ROBO2: variants seen among roughly 807,000 people sequenced by gnomAD.
The protein encoded by ROBO2 is roundabout homolog 2.
A neutral mutation model predicts 160.8 loss-of-function variants in ROBO2; 53 were observed. The observed-to-expected ratio is 0.33, with a 90% confidence interval of 0.26 to 0.41. The LOEUF (loss-of-function observed/expected upper bound fraction) is 0.41, where lower values mean the gene tolerates loss of function less well. Among genes scored for constraint, ROBO2 ranks in the 10% least tolerant of loss-of-function variants. The pLI, the probability that ROBO2 is intolerant of heterozygous loss-of-function variation, is 1.00. For missense variants in ROBO2, 1,577 were observed against 1,722.4 expected (o/e 0.92, Z 1.49); for synonymous variants, 664 against 611.7 (o/e 1.09, Z -1.26).
intron 2 of ROBO2, among the ~76,000 whole-genome samples, chr3:77,280,899 A>C (rs2060197759): frequency 6.6e-6 from 1 of 152,204 alleles, no homozygotes; most frequent in East Asian, 1.9e-4. Context: ...AAGCAAAATA[A>C]TTAAGAATTA....
intron 6 of ROBO2, among the ~76,000 whole-genome samples, 180 bp downstream of exon 6, chr3:77,523,082 G>A (rs2090777105): frequency 6.6e-6 from 1 of 151,286 alleles, no homozygotes; most frequent in African/African-American, 2.4e-5. Context: ...GGTTCCCAAT[G>A]ATGATAATTT....
chr3:76,904,007 C>G lies in ROBO2; in HGVS notation c.110-194007C>G, dbSNP rs2075418733. Among the ~76,000 whole-genome samples, 3 of 152,090 alleles carry G rather than the reference C, an allele frequency of 2.0e-5. No homozygotes were observed. In the South Asian group the frequency reaches 6.2e-4, roughly 32 times the overall value. On this transcript the variant is annotated intron_variant, in intron 2 of 26. Coordinates refer to the ROBO2 transcript ENST00000487694. ...GCCAGTTTTCTCCACTATTTCACTT[C>G]TAACAGTCTCTATTACCTTCACAAA...
chr3:76,354,296 A>G (rs1487923110), intron 2 of ROBO2, among the ~76,000 whole-genome samples: 1 of 151,944 alleles, frequency 6.6e-6, no homozygotes, highest in Non-Finnish European at 1.5e-5. Context: ...ATTTCAATAC[A>G]TACATTCGTA....
chr3:77,595,181 G>C lies in ROBO2; in HGVS notation c.2723G>C (p.Gly908Ala), dbSNP rs548908919. 18 of 1,609,874 alleles carry C rather than the reference G, an allele frequency of 1.1e-5. No individual in the cohort carries two copies. Among genetic ancestry groups the C allele is most frequent in the Non-Finnish European group, 1.5e-5 (18 of 1,176,516 alleles). The stretch of plus-strand genomic sequence containing the variant: ...GGAGATGGAGGACTAATGAGCAATG[G>C]AAGGTATGCTACGGAGATTGTTTCA... The change falls in exon 18 of 26, where the codon GGA (glycine) becomes GCA (alanine). Residue 908 changes from glycine (G) to alanine (A), a missense_variant. Gly to Ala is a moderately conservative substitution (Grantham distance 60). Around this residue, in one of 2 missense-constraint regions of ROBO2, gnomAD observed 637 missense variants for 586.9 expected, o/e 1.09. Coordinates refer to ENST00000461745, the Ensembl canonical transcript of ROBO2.
intron 6 of ROBO2, among the ~76,000 whole-genome samples, chr3:77,524,153 T>A (rs960386243): frequency 6.6e-6 from 1 of 151,346 alleles, no homozygotes; most frequent in African/African-American, 2.4e-5. Context: ...CATTTTTTCT[T>A]CTGTAGATAT....
exon 24 of ROBO2, chr3:77,634,910 C>A (rs1247556166): frequency 1.2e-6 from 2 of 1,614,008 alleles, no homozygotes; most frequent in African/African-American, 1.3e-5. Flanking sequence ...GACCTACCAG[C>A]CCATTTTCTA....
chr3:76,500,083 GGGGT>G (rs1222900047), intron 2 of ROBO2, among the ~76,000 whole-genome samples: 1 of 152,072 alleles, frequency 6.6e-6, no homozygotes, highest in Non-Finnish European at 1.5e-5. Flanking sequence ...TTTAAAACTT[GGGGT>G]GGTGGGGGGA....
At chr3:76,711,680 A>C (rs1258464639) in intron 2 of ROBO2, among the ~76,000 whole-genome samples, 1 of 152,106 alleles carries the variant, frequency 6.6e-6, no homozygotes. Context: ...GTGCACACTT[A>C]GATAGCCACA....
chr3:77,248,253 C>A (rs1192451521), intron 2 of ROBO2, among the ~76,000 whole-genome samples: 1 of 152,162 alleles, frequency 6.6e-6, no homozygotes, highest in Non-Finnish European at 1.5e-5. Context: ...ATGAAATCCC[C>A]TGCATTTACC....
intron 2 of ROBO2, among the ~76,000 whole-genome samples, chr3:76,586,386 T>G (rs865964556): frequency 1.2e-4 from 19 of 152,300 alleles, no homozygotes; most frequent in African/African-American, 4.1e-4. Flanking sequence ...CTTTCAAGAA[T>G]TAGATCCATA....
rs148672716 is a variant in ROBO2, at chr3:76,913,434, T to C, written c.110-184580T>C. On this transcript the variant is annotated intron_variant, in intron 2 of 26. Transcript: ENST00000487694. Reference sequence around the variant, plus strand: ...TCTGTTATTTAGCATCAACCAGTTATATGTTCTACCTGTACTATGTGTGTA... The same window carrying C: ...TCTGTTATTTAGCATCAACCAGTTACATGTTCTACCTGTACTATGTGTGTA... Among the ~76,000 whole-genome samples, 879 of 152,344 alleles carry C rather than the reference T, an allele frequency of 5.8e-3. 8 individuals are homozygous for C. The highest frequency in any genetic ancestry group is 0.02 in the African/African-American group (834 of 41,576).
intron 2 of ROBO2, among the ~76,000 whole-genome samples, chr3:76,340,085 C>A (rs1426259941): frequency 7.5e-4 from 108 of 144,444 alleles, no homozygotes; most frequent in Middle Eastern, 3.5e-3. Flanking sequence ...GAACCAATTG[C>A]AAAAAAAAAA....
chr3:76,238,566 G>A (rs1019302098), intron 2 of ROBO2, among the ~76,000 whole-genome samples: 3 of 151,536 alleles, frequency 2.0e-5, no homozygotes, highest in Non-Finnish European at 4.4e-5. Flanking sequence ...CTAGACATGA[G>A]GGGATTATGT....
intron 2 of ROBO2, among the ~76,000 whole-genome samples, chr3:76,913,175 C>A (rs1289654309): frequency 6.6e-6 from 1 of 152,136 alleles, no homozygotes; most frequent in Admixed American, 6.5e-5. Context: ...GAAACTTTGA[C>A]CCTCTTTCAA....
chr3:76,253,157 C>T lies in ROBO2; in HGVS notation c.109+315555C>T, dbSNP rs141379927. Among the ~76,000 whole-genome samples the T allele has an allele frequency of 4.6e-5, 7 of 152,216 alleles. No individual in the cohort carries two copies. The East Asian group carries it at 1.4e-3, about 29-fold the overall frequency. ...TGCTATCACAGATCAGCCTCTTTTA[C>T]AGATGCATGTGTGTTTATTAGAAAT... On this transcript the variant is annotated intron_variant, in intron 2 of 26. Coordinates refer to the ROBO2 transcript ENST00000487694.
chr3:77,274,651 G>T (rs752836228), intron 2 of ROBO2, among the ~76,000 whole-genome samples: 1 of 152,094 alleles, frequency 6.6e-6, no homozygotes. Flanking sequence ...TGGAAAGAAT[G>T]AACTTTAAGA....
At chr3:76,279,337 T>G (rs993144424) in intron 2 of ROBO2, among the ~76,000 whole-genome samples, 1 of 151,818 alleles carries the variant, frequency 6.6e-6, no homozygotes, top group Non-Finnish European at 1.5e-5. Flanking sequence ...TTAATTTAAT[T>G]TATTGCACCA....
intron 2 of ROBO2, among the ~76,000 whole-genome samples, chr3:77,395,652 T>A (rs1025568204): frequency 4.6e-5 from 7 of 152,156 alleles, no homozygotes; most frequent in African/African-American, 1.7e-4. Context: ...CTGGATAAGT[T>A]CTGTAGTAGA....
At chr3:76,577,121 C>G (rs958257336) in intron 2 of ROBO2, among the ~76,000 whole-genome samples, 8 of 152,024 alleles carry the variant, frequency 5.3e-5, no homozygotes, top group African/African-American at 1.9e-4. Context: ...AGGCTTCATA[C>G]ACAATCAGAG....
Sources: allele counts gnomAD v4.1 joint callset (sites outside exome capture counted in the v4.1 genomes callset), GRCh38; gene constraint gnomAD v4.1.1; regional missense constraint gnomAD v4.1.1; transcripts MANE v1.5; gene names NCBI Gene and HGNC (gene_info 2026-07-23, HGNC 2026-07-21).